SLC29A4: variants seen among roughly 807,000 people sequenced by gnomAD.
The protein encoded by SLC29A4 is solute carrier family 29 member 4.
A neutral mutation model predicts 43.9 loss-of-function variants in SLC29A4; 36 were observed. That is an observed-to-expected ratio of 0.82 (90% CI 0.63 to 1.08). The LOEUF (loss-of-function observed/expected upper bound fraction) is 1.08, where lower values mean the gene tolerates loss of function less well. SLC29A4 is among the 50% of genes least tolerant of loss of function. The pLI is 0.00. For synonymous variants in SLC29A4, 491 were observed against 338.0 expected, an observed-to-expected ratio of 1.45 and a Z score of -4.97; for missense variants, 869 against 755.3, an observed-to-expected ratio of 1.15 and a Z score of -1.77.
intron 1 of SLC29A4, among the ~76,000 whole-genome samples, chr7:5,285,949 C>G (rs1360982065): frequency 6.6e-6 from 1 of 152,080 alleles, no homozygotes; most frequent in Non-Finnish European, 1.5e-5. Context: ...GGCAGAGGCT[C>G]CAGTGAGTTG....
Position 5,293,162 on chromosome 7 carries a change from CTTTTTTT to C in SLC29A4, c.544+1355_544+1361del, listed in dbSNP as rs58758343. On this transcript the variant is annotated intron_variant, in intron 5 of 10. Transcript: ENST00000396872. ...GCTTTGTAGACTTTCTTTTTTTTCT[CTTTTTTT>C]TTTTTTTTTTTTTGAGATGGAGTCT... Among the ~76,000 whole-genome samples, 21 of 117,278 alleles carry C rather than the reference CTTTTTTT, an allele frequency of 1.8e-4. No homozygotes were observed. In the East Asian group the frequency reaches 3.9e-3, roughly 22 times the overall value. 76.9% of individuals were successfully genotyped at this position (117,278 alleles called of 152,430 possible).
chr7:5,300,469 C>G lies in SLC29A4; in HGVS notation c.1257C>G (p.Ala419=), dbSNP rs140899431. 43 of 1,611,430 alleles carry G rather than the reference C, an allele frequency of 2.7e-5. No homozygotes were observed. Among genetic ancestry groups the G allele is most frequent in the Non-Finnish European group, 3.5e-5 (41 of 1,179,764 alleles). ...PVDWRGTHLL[A]CSCLRVVFIP... The stretch of plus-strand genomic sequence containing the variant: ...ACTGGCGGGGCACCCACCTGCTGGC[C>G]TGCTCCTGCCTGCGTGTGGTCTTCA... The change falls in exon 10 of 11, where the codon GCC becomes GCG. Residue 419 remains alanine (A), a synonymous_variant. Transcript: ENST00000396872.
chr7:5,299,990 T>G (rs1478351354), intron 9 of SLC29A4, among the ~76,000 whole-genome samples: 1 of 151,640 alleles, frequency 6.6e-6, no homozygotes, highest in South Asian at 2.1e-4. Flanking sequence ...AGGTGGAGGG[T>G]GTAGTGAGCC....
chr7:5,299,490 C>T lies in SLC29A4; in HGVS notation c.1209+63C>T, dbSNP rs1785980890. ...TGGGGTGGGGGTGACAAGGGAGGCC[C>T]TGGCCTATCCGGGAAGGGTTCTGAG... On this transcript the variant is annotated intron_variant, in intron 9 of 10. Transcript: ENST00000396872. 4.5e-5 allele frequency: 69 copies of T among 1,533,252 alleles called. 1 individual carries two copies. In the South Asian group the frequency reaches 7.5e-4, roughly 17 times the overall value. The allele number at this position is 1,533,252 out of a possible 1,614,324, so 95.0% of individuals were successfully genotyped here.
At chr7:5,298,711 G>A (rs1411351845) in intron 7 of SLC29A4, among the ~76,000 whole-genome samples, 1 of 152,134 alleles carries the variant, frequency 6.6e-6, no homozygotes, top group Non-Finnish European at 1.5e-5. Flanking sequence ...GAGGTGGGAG[G>A]ATTGCCTGAG....
chr7:5,287,748 A>G (rs1466048148), intron 1 of SLC29A4, 61 bp from the exon 2 acceptor site: 2 of 1,539,736 alleles, frequency 1.3e-6, no homozygotes. Flanking sequence ...GGGTCAGTGC[A>G]TGAGCCATGG....
Position 5,291,752 on chromosome 7 carries a change from C to T in SLC29A4, c.475C>T (p.Leu159Phe). ...FISICDVWLQ[L>F]FSRDQAYAIN... ...CAGCATCTGCGACGTGTGGCTGCAG[C>T]TCTTCTCTCGGGACCAGGCCTACGC... The change falls in exon 5 of 11, where the codon CTC (leucine) becomes TTC (phenylalanine). Residue 159 changes from leucine to phenylalanine, a missense_variant. Coordinates refer to ENST00000396872, the MANE Select transcript of SLC29A4 (RefSeq NM_153247.4). The T allele has an allele frequency of 6.2e-7, 1 of 1,612,030 alleles. No individual in the cohort carries two copies. The highest frequency in any genetic ancestry group is 8.5e-7 in the Non-Finnish European group (1 of 1,179,832).
At position 5,303,528 on chromosome 7, in the gene SLC29A4, C is replaced by G. The variant is rs1786319235; in HGVS notation, c.*589C>G. On this transcript the variant is annotated 3_prime_UTR_variant, in exon 11 of 11. Coordinates refer to ENST00000396872, the MANE Select transcript of SLC29A4 (RefSeq NM_153247.4). The stretch of plus-strand genomic sequence containing the variant: ...CCATGAAGGAGTCGGAGCCCTGGGT[C>G]CGAATGGACCCGCCTGCGGTCTGCA... 1 of 155,212 alleles carries G rather than the reference C, an allele frequency of 6.4e-6. No individual in the cohort carries two copies. 9.6% of individuals were successfully genotyped at this position (155,212 alleles called of 1,614,324 possible). A position where few individuals can be genotyped will look rare whatever the true frequency, so the allele number is the denominator to read the frequency against.
At chr7:5,301,758 G>T (rs1370186091) in intron 10 of SLC29A4, among the ~76,000 whole-genome samples, 2 of 152,162 alleles carry the variant, frequency 1.3e-5, no homozygotes, top group Non-Finnish European at 2.9e-5. Flanking sequence ...GAGGTAGGGT[G>T]TGGGAGAGGG....
intron 2 of SLC29A4, among the ~76,000 whole-genome samples, chr7:5,288,516 TCTC>T (rs1785105715): frequency 6.6e-6 from 1 of 151,656 alleles, no homozygotes; most frequent in African/African-American, 2.4e-5. Context: ...GTGGTCTCGA[TCTC>T]CTGACCTCAT....
rs1333210739 is a variant in SLC29A4 at position 5,306,187 on chromosome 7, A to ATTTGTTTTTTTTTTTTTTTTT, written c.*3251_*3252insGTTTTTTTTTTTTTTTTTTTT. 1 of 117,584 alleles carries ATTTGTTTTTTTTTTTTTTTTT rather than the reference A, an allele frequency of 8.5e-6. No homozygotes were observed. Among genetic ancestry groups the ATTTGTTTTTTTTTTTTTTTTT allele is most frequent in the African/African-American group, 3.2e-5 (1 of 31,348 alleles). The allele number at this position is 117,584 out of a possible 1,614,324, so 7.3% of individuals were successfully genotyped here. ...ATTTTTTCTCATGTAAATTTGTTCA[A>ATTTGTTTTTTTTTTTTTTTTT]TTTCTTTTTTTTTTTTTTTTTTTTT... On this transcript the variant is annotated 3_prime_UTR_variant, in exon 11 of 11. Coordinates refer to ENST00000396872, the MANE Select transcript of SLC29A4 (RefSeq NM_153247.4).
At chr7:5,288,047 C>T (rs1785071381) in intron 2 of SLC29A4, 62 bp downstream of exon 2, 3 of 1,527,692 alleles carry the variant, frequency 2.0e-6, no homozygotes, top group Non-Finnish European at 2.6e-6. Flanking sequence ...TGTGTGACCC[C>T]CAGTGAAGCC....
chr7:5,283,902 G>C (rs1394246073), intron 1 of SLC29A4, among the ~76,000 whole-genome samples: 2 of 152,178 alleles, frequency 1.3e-5, no homozygotes, highest in Non-Finnish European at 2.9e-5. Context: ...CCCCGAGTGA[G>C]GCCAGACTGG....
At chr7:5,288,873 G>T (rs887992209) in intron 2 of SLC29A4, among the ~76,000 whole-genome samples, 1 of 152,136 alleles carries the variant, frequency 6.6e-6, no homozygotes, top group African/African-American at 2.4e-5. Context: ...ACAGGCTCGG[G>T]TTCAAGCCTA....
Position 5,300,660 on chromosome 7 carries a change from C to G in SLC29A4, c.1448C>G (p.Ala483Gly), listed in dbSNP as rs1480409063. The G allele has an allele frequency of 6.2e-7, 1 of 1,606,814 alleles. No homozygotes were observed. Among genetic ancestry groups the G allele is most frequent in the South Asian group, 1.1e-5 (1 of 90,760 alleles). ...GTGAGCCCCAAGCAGCGGGAGCTGGCAGGTGAGGCCCGCGGGACGTGGGGG... is the reference window on the plus strand; with the variant it reads ...GTGAGCCCCAAGCAGCGGGAGCTGGGAGGTGAGGCCCGCGGGACGTGGGGG... ...GKVSPKQREL[A>G]GNTMTVSYMS... Residue 483 changes from alanine to glycine, a missense_variant and splice_region_variant, in exon 10 of 11, where the codon GCA (alanine) becomes GGA (glycine). Transcript: ENST00000396872.
In SLC29A4 at chr7:5,304,301, G is replaced by GCCCCCCC. The variant is rs60168491; in HGVS notation, c.*1364_*1370dup. On this transcript the variant is annotated 3_prime_UTR_variant, in exon 11 of 11. Transcript: ENST00000396872. ...GGTTTGTCGCTCACCTTGACCGCCC[G>GCCCCCCC]CCCCCCCCACCCCTTCGTGAGGATC... is the stretch of plus-strand genomic sequence containing the variant. The GCCCCCCC allele has an allele frequency of 1.9e-5, 2 of 108,082 alleles. No homozygotes were observed. Among genetic ancestry groups the GCCCCCCC allele is most frequent in the Non-Finnish European group, 3.8e-5 (2 of 52,070 alleles). 6.7% of individuals were successfully genotyped at this position (108,082 alleles called of 1,614,324 possible).
Position 5,290,805 on chromosome 7 carries a change from C to A in SLC29A4, c.243C>A (p.Phe81Leu), listed in dbSNP as rs201204636. Residue 81 changes from phenylalanine to leucine, a missense_variant, in exon 3 of 11, where the codon TTC (phenylalanine) becomes TTA (leucine). Transcript: ENST00000396872. ...CGATGCTGCTGGCTGGCGTGGGCTT[C>A]CTGCTGCCATACAACAGCTTCATCA... Reference protein sequence around the residue: ...YFAMLLAGVGFLLPYNSFITD... With the variant: ...YFAMLLAGVGLLLPYNSFITD... 6 of 1,614,078 alleles carry A rather than the reference C, an allele frequency of 3.7e-6. No homozygotes were observed. Among genetic ancestry groups the A allele is most frequent in the Non-Finnish European group, 5.1e-6 (6 of 1,179,990 alleles).
chr7:5,284,349 C>T (rs1475992797), intron 1 of SLC29A4, among the ~76,000 whole-genome samples: 1 of 152,166 alleles, frequency 6.6e-6, no homozygotes, highest in Non-Finnish European at 1.5e-5. Context: ...CCTACCCCAC[C>T]AGCCACCCAC....
At chr7:5,285,401 CT>C (rs1269842676) in intron 1 of SLC29A4, among the ~76,000 whole-genome samples, 2 of 152,246 alleles carry the variant, frequency 1.3e-5, no homozygotes, top group Non-Finnish European at 2.9e-5. Flanking sequence ...CGCCTCTCCC[CT>C]GGTAGTGGGT....
Sources: allele counts gnomAD v4.1 joint callset (sites outside exome capture counted in the v4.1 genomes callset), GRCh38; gene constraint gnomAD v4.1.1; transcripts MANE v1.5; gene names NCBI Gene and HGNC (gene_info 2026-07-23, HGNC 2026-07-21).